C5orf47: variants seen among roughly 807,000 people sequenced by gnomAD.
The protein encoded by C5orf47 is uncharacterized protein C5orf47.
C5orf47 carries 20 observed loss-of-function variants against 20.6 expected under a neutral mutation model. The observed-to-expected ratio is 0.97, with a 90% CI of 0.68 to 1.41. The LOEUF (loss-of-function observed/expected upper bound fraction) is 1.41, where lower values mean the gene tolerates loss of function less well. Ranked by LOEUF, C5orf47 falls within the 40% of genes most tolerant of loss-of-function variation. The pLI, the probability that C5orf47 is intolerant of heterozygous loss-of-function variation, is 0.00. For synonymous variants in C5orf47, 106 were observed against 97.3 expected, an observed-to-expected ratio of 1.09 and a Z score of -0.53; for missense variants, 262 against 238.4, an observed-to-expected ratio of 1.10 and a Z score of -0.65.
intron 1 of C5orf47, among the ~76,000 whole-genome samples, chr5:173,993,472 C>G (rs1759035173): frequency 6.6e-6 from 1 of 152,192 alleles, no homozygotes; most frequent in African/African-American, 2.4e-5. Context: ...GAAACCCCAT[C>G]TTTGCCAAAA....
At chr5:173,996,619 T>A (rs1759104005) in intron 1 of C5orf47, among the ~76,000 whole-genome samples, 1 of 152,240 alleles carries the variant, frequency 6.6e-6, no homozygotes, top group East Asian at 1.9e-4. Context: ...ATCTGTACTA[T>A]TATTAATATA....
downstream of C5orf47, among the ~76,000 whole-genome samples, chr5:174,007,745 A>C (rs1353794110): frequency 6.6e-6 from 1 of 151,968 alleles, no homozygotes; most frequent in East Asian, 1.9e-4. Context: ...TTTTTAGTAG[A>C]GACGGGGTTT....
downstream of C5orf47, among the ~76,000 whole-genome samples, chr5:174,006,657 G>T (rs1759297702): frequency 6.6e-6 from 1 of 152,154 alleles, no homozygotes; most frequent in African/African-American, 2.4e-5. Flanking sequence ...TTAGGAGCGG[G>T]TCTGTGGGAG....
chr5:173,989,853 G>GT (rs1758955681), intron 1 of C5orf47, among the ~76,000 whole-genome samples: 1 of 152,184 alleles, frequency 6.6e-6, no homozygotes, highest in South Asian at 2.1e-4. Flanking sequence ...TTTGGCCTGC[G>GT]TGTTTCCGTT....
At chr5:173,996,830 A>C (rs1306661743) in intron 1 of C5orf47, among the ~76,000 whole-genome samples, 1 of 152,204 alleles carries the variant, frequency 6.6e-6, no homozygotes, top group African/African-American at 2.4e-5. Context: ...AAGGGAGACG[A>C]CCAAGTCTTA....
chr5:174,008,979 G>A (rs1237987113), downstream of C5orf47, among the ~76,000 whole-genome samples: 3 of 152,132 alleles, frequency 2.0e-5, no homozygotes, highest in African/African-American at 7.2e-5. Context: ...AAAAAATTGA[G>A]TACTAGCAGT....
chr5:174,007,446 G>A (rs938853205), downstream of C5orf47, among the ~76,000 whole-genome samples: 2 of 152,162 alleles, frequency 1.3e-5, no homozygotes, highest in African/African-American at 2.4e-5. Flanking sequence ...AGCAATTGAT[G>A]TGGCAGATGC....
At chr5:173,995,784 C>T (rs2113364414) in intron 1 of C5orf47, among the ~76,000 whole-genome samples, 1 of 152,292 alleles carries the variant, frequency 6.6e-6, no homozygotes. Flanking sequence ...TATGGAATAC[C>T]TTGCAGACTG....
intron 2 of C5orf47, among the ~76,000 whole-genome samples, chr5:173,999,172 GGCAAAGC>G (rs1759151816): frequency 6.6e-6 from 1 of 152,104 alleles, no homozygotes; most frequent in Non-Finnish European, 1.5e-5. Context: ...ACTGGAAAAT[GGCAAAGC>G]TAGAATTTGA....
At chr5:174,000,112 G>A (rs12523424) in intron 3 of C5orf47, among the ~76,000 whole-genome samples, 23,965 of 151,972 alleles carry the variant, frequency 0.16, 2,465 homozygotes, top group African/African-American at 0.29. Flanking sequence ...AAAAATACAA[G>A]TTACGAAGCT....
chr5:173,992,057 C>T (rs953883506), intron 1 of C5orf47, among the ~76,000 whole-genome samples: 41 of 152,108 alleles, frequency 2.7e-4, no homozygotes, highest in Non-Finnish European at 5.6e-4. Context: ...AATTATCTGT[C>T]TCATCTGGGT....
At chr5:173,990,939 C>T (rs943779803) in intron 1 of C5orf47, among the ~76,000 whole-genome samples, 5 of 152,180 alleles carry the variant, frequency 3.3e-5, no homozygotes, top group Non-Finnish European at 5.9e-5. Context: ...ATGCTTAGTT[C>T]ACATATTCAA....
intron 1 of C5orf47, among the ~76,000 whole-genome samples, chr5:173,995,937 T>G (rs1158161025): frequency 6.6e-6 from 1 of 152,244 alleles, no homozygotes; most frequent in African/African-American, 2.4e-5. Context: ...AATCAGCAAC[T>G]CTTCTAACAT....
rs1759256739 is a variant in C5orf47 at position 174,004,722 on chromosome 5, G to GA, written c.*474dup. 6.6e-6 allele frequency: 1 copy of GA among 151,992 alleles called. No individual in the cohort carries two copies. Among genetic ancestry groups the GA allele is most frequent in the South Asian group, 2.1e-4 (1 of 4,816 alleles). The allele number at this position is 151,992 out of a possible 1,614,324, so 9.4% of individuals were successfully genotyped here. A position where few individuals can be genotyped will look rare whatever the true frequency, so the allele number is the denominator to read the frequency against. On this transcript the variant is annotated 3_prime_UTR_variant, in exon 5 of 5. Transcript: ENST00000340147. ...CTCTAAACTTCTCAATTATTTTATGGAAAAAACCTTAGAATTTACATAGCA... is the reference window on the plus strand; with the variant it reads ...CTCTAAACTTCTCAATTATTTTATGGAAAAAAACCTTAGAATTTACATAGCA...
In C5orf47 at chr5:174,001,692, A is replaced by C. The variant is rs538624495; in HGVS notation, c.*16+461A>C. On this transcript the variant is annotated intron_variant, in intron 4 of 4. Coordinates refer to ENST00000340147, the MANE Select transcript of C5orf47 (RefSeq NM_001144954.2). The stretch of plus-strand genomic sequence containing the variant: ...TTATGGCCCTTGTCCTGCCTCACTT[A>C]CCATATTTACCTTTGCTACCACCTA... 2.3e-4 allele frequency among the ~76,000 whole-genome samples: 35 copies of C among 152,000 alleles called. No individual in the cohort carries two copies. In the East Asian group the frequency reaches 6.6e-3, roughly 29 times the overall value.
rs1453496918 is a variant in C5orf47, at chr5:174,004,913, G to A, written c.*659G>A. The A allele has an allele frequency of 1.3e-5, 2 of 152,078 alleles. No homozygotes were observed. The highest frequency in any genetic ancestry group is 3.8e-4 in the East Asian group (2 of 5,202). The allele number at this position is 152,078 out of a possible 1,614,324, so 9.4% of individuals were successfully genotyped here. A position where few individuals can be genotyped will look rare whatever the true frequency, so the allele number is the denominator to read the frequency against. ...TTTTTGGGCAAAGATCAGAGGAGAT[G>A]CCCTTTACCTTGCCAGGCCCCTAAG... On this transcript the variant is annotated 3_prime_UTR_variant, in exon 5 of 5. Coordinates refer to ENST00000340147, the MANE Select transcript of C5orf47 (RefSeq NM_001144954.2).
downstream of C5orf47, among the ~76,000 whole-genome samples, chr5:174,006,618 TATAAA>T (rs1759297112): frequency 6.6e-6 from 1 of 152,160 alleles, no homozygotes; most frequent in Non-Finnish European, 1.5e-5. Flanking sequence ...GGAGTAAACT[TATAAA>T]ATAGTGAAAT....
intron 1 of C5orf47, among the ~76,000 whole-genome samples, chr5:173,990,843 A>G (rs1031469079): frequency 9.2e-5 from 14 of 152,338 alleles, no homozygotes; most frequent in Admixed American, 7.2e-4. Context: ...CATAATTAAG[A>G]TATAGAACAT....
At chr5:173,990,023 T>C (rs1394546461) in intron 1 of C5orf47, among the ~76,000 whole-genome samples, 1 of 152,236 alleles carries the variant, frequency 6.6e-6, no homozygotes, top group Non-Finnish European at 1.5e-5. Flanking sequence ...TTTGCATATG[T>C]CTTGATCAAC....
Sources: gnomAD v4.1 joint callset for allele counts (sites outside exome capture counted in the v4.1 genomes callset) on GRCh38, gnomAD v4.1.1 for gene constraint, MANE v1.5 for transcripts, NCBI Gene and HGNC (gene_info 2026-07-23, HGNC 2026-07-21) for gene names.